Variants in VPS13C observed in about 807,000 individuals in gnomAD.
VPS13C encodes vacuolar protein sorting 13 homolog C, also known as intermembrane lipid transfer protein VPS13C.
A neutral mutation model predicts 456.8 loss-of-function variants in VPS13C; 358 were observed. That is an observed-to-expected ratio of 0.78 (90% CI 0.72 to 0.86). The LOEUF is 0.86. Among genes scored for constraint, VPS13C ranks in the 40% least tolerant of loss-of-function variants. The pLI is 0.00. For synonymous variants in VPS13C, 1,578 were observed against 1,486.7 expected (o/e 1.06, Z -1.41); for missense variants, 4,818 against 4,385.4 (o/e 1.10, Z -2.79).
Position 61,909,019 on chromosome 15 carries a change from G to A in VPS13C, c.8951C>T (p.Pro2984Leu), listed in dbSNP as rs2043224040. The change falls in exon 65 of 85, where the codon CCA becomes CTA. Residue 2984 changes from proline to leucine, a missense_variant. Pro to Leu is a moderately conservative substitution (Grantham distance 98, BLOSUM62 -3). This residue lies in a region of VPS13C where 4,552 missense variants were observed against 4,130.6 expected (regional missense o/e 1.10). Coordinates refer to ENST00000644861, the MANE Select transcript of VPS13C (RefSeq NM_020821.3). ...SAPALIMNHT[P>L]WDILTYKQSG... ...CTGTTTGTATGTGAGGATGTCCCATGGTGTATGGTTCATTATCAAGGCAGG... is the reference window on the plus strand; with the variant it reads ...CTGTTTGTATGTGAGGATGTCCCATAGTGTATGGTTCATTATCAAGGCAGG... 4 of 1,613,608 alleles carry A rather than the reference G, an allele frequency of 2.5e-6. No individual in the cohort carries two copies. In the East Asian group the frequency reaches 8.9e-5, roughly 36 times the overall value.
chr15:61,921,941 C>T lies in VPS13C; in HGVS notation c.7062+6G>A. 6.2e-7 allele frequency: 1 copy of T among 1,611,362 alleles called. No homozygotes were observed. Among genetic ancestry groups the T allele is most frequent in the Non-Finnish European group, 8.5e-7 (1 of 1,177,902 alleles). The stretch of plus-strand genomic sequence containing the variant: ...TCTATCCAAAGATATTTTAAGATTT[C>T]CTTACATCAAGCCTTAAATTCCATT... On this transcript the variant is annotated splice_donor_region_variant and intron_variant, in intron 55 of 84. Transcript: ENST00000644861.
intron 50 of VPS13C, 63 bp downstream of exon 50, chr15:61,931,027 T>C: frequency 6.3e-7 from 1 of 1,584,004 alleles, no homozygotes; most frequent in Non-Finnish European, 8.6e-7. Flanking sequence ...TAGCAATGCC[T>C]GGCAGCCATG....
intron 9 of VPS13C, among the ~76,000 whole-genome samples, chr15:62,016,789 T>C (rs1358291024): frequency 1.3e-5 from 2 of 152,152 alleles, no homozygotes; most frequent in African/African-American, 4.8e-5. Context: ...ATATACCCAG[T>C]AATAGGATGG....
At chr15:61,916,431 T>C (rs1308956540) in intron 60 of VPS13C, among the ~76,000 whole-genome samples, 1 of 152,136 alleles carries the variant, frequency 6.6e-6, no homozygotes, top group Non-Finnish European at 1.5e-5. Context: ...AATAAGAAAA[T>C]TATTCTTATT....
chr15:61,945,892 T>C lies in VPS13C; in HGVS notation c.4981-10A>G. 6.3e-7 allele frequency: 1 copy of C among 1,591,078 alleles called. No homozygotes were observed. The highest frequency in any genetic ancestry group is 1.4e-5 in the African/African-American group (1 of 73,644). On this transcript the variant is annotated splice_polypyrimidine_tract_variant and intron_variant, in intron 44 of 84. Coordinates refer to ENST00000644861, the MANE Select transcript of VPS13C (RefSeq NM_020821.3). Reference sequence around the variant, plus strand: ...CCAAAATAGAGACAGCCTAAAAGTATTAGATTAACTGGTTATTATATCAAA... The same window carrying C: ...CCAAAATAGAGACAGCCTAAAAGTACTAGATTAACTGGTTATTATATCAAA...
At chr15:61,985,290 C>T (rs1245105571) in intron 18 of VPS13C, among the ~76,000 whole-genome samples, 2 of 152,132 alleles carry the variant, frequency 1.3e-5, no homozygotes, top group Non-Finnish European at 2.9e-5. Flanking sequence ...CAGAGACTTG[C>T]TCTATTGCCA....
intron 44 of VPS13C, among the ~76,000 whole-genome samples, 163 bp from the exon 45 acceptor site, chr15:61,946,045 C>T (rs1371723306): frequency 5.3e-5 from 8 of 152,210 alleles, no homozygotes; most frequent in Admixed American, 5.2e-4. Flanking sequence ...ACAATAACTT[C>T]TTCCTATTTC....
chr15:62,060,050 A>G (rs2048945409), intron 1 of VPS13C, among the ~76,000 whole-genome samples: 1 of 152,092 alleles, frequency 6.6e-6, no homozygotes, highest in African/African-American at 2.4e-5. Context: ...AAAGGTGGGA[A>G]CTTTGGCAGC....
At position 61,983,640 on chromosome 15, in the gene VPS13C, C is replaced by T. The variant is rs2140393533; in HGVS notation, c.1914+180G>A. On this transcript the variant is annotated intron_variant, in intron 20 of 84. Transcript: ENST00000644861. ...CCTTGGAGTAGGGAAAAATGTATTGCATATGAAAAAAATCAAAATTAGCTG... is the reference window on the plus strand; with the variant it reads ...CCTTGGAGTAGGGAAAAATGTATTGTATATGAAAAAAATCAAAATTAGCTG... 6 of 593,936 alleles carry T rather than the reference C, an allele frequency of 1.0e-5. No individual in the cohort carries two copies. In the South Asian group the frequency reaches 1.6e-4, roughly 16 times the overall value. The allele number at this position is 593,936 out of a possible 1,614,324, so 36.8% of individuals were successfully genotyped here.
chr15:61,962,683 C>T, intron 33 of VPS13C, 66 bp downstream of exon 33: 1 of 1,344,290 alleles, frequency 7.4e-7, no homozygotes, highest in Middle Eastern at 1.9e-4. Flanking sequence ...AAATAAAATA[C>T]ATTTTACAAT....
chr15:61,878,970 T>C (rs2140898616), intron 73 of VPS13C, among the ~76,000 whole-genome samples: 1 of 152,224 alleles, frequency 6.6e-6, no homozygotes, highest in Admixed American at 6.6e-5. Flanking sequence ...AGAGTTCTAA[T>C]TTTATGCAAT....
chr15:62,001,341 T>C (rs1379024799), intron 15 of VPS13C, among the ~76,000 whole-genome samples: 1 of 152,238 alleles, frequency 6.6e-6, no homozygotes, highest in Non-Finnish European at 1.5e-5. Flanking sequence ...TTTTCTAATA[T>C]TTCACACTGG....
rs1194964553 is a variant in VPS13C at position 61,961,842 on chromosome 15, C to T, written c.3655G>A (p.Ala1219Thr). 1 of 1,613,894 alleles carries T rather than the reference C, an allele frequency of 6.2e-7. No individual in the cohort carries two copies. Among genetic ancestry groups the T allele is most frequent in the South Asian group, 1.1e-5 (1 of 91,054 alleles). ...GTGGCAGCCCTTTCTGCAGCCTGGG[C>T]AGTGGCAGCACTCAGAGACTCTTTG... ...TAKESLSAAT[A>T]QAAERAATSV... The change falls in exon 35 of 85, where the codon GCC becomes ACC. Residue 1219 changes from alanine to threonine, a missense_variant. Physicochemically the swap from Ala to Thr is moderately conservative, Grantham distance 58 (BLOSUM62 0). Coordinates refer to ENST00000644861, the MANE Select transcript of VPS13C (RefSeq NM_020821.3).
chr15:61,922,923 G>GT (rs1321738892), intron 53 of VPS13C, among the ~76,000 whole-genome samples, 161 bp from the exon 54 acceptor site: 2 of 151,702 alleles, frequency 1.3e-5, no homozygotes. Context: ...GAATAAATTC[G>GT]TAACCAAGAA....
intron 66 of VPS13C, among the ~76,000 whole-genome samples, chr15:61,903,815 G>A (rs576525235): frequency 1.0e-3 from 154 of 152,176 alleles, no homozygotes; most frequent in African/African-American, 3.6e-3. Flanking sequence ...AGAGAACCCG[G>A]AAATAAATCC....
At chr15:61,969,027 A>C (rs905551917) in intron 28 of VPS13C, among the ~76,000 whole-genome samples, 7 of 152,108 alleles carry the variant, frequency 4.6e-5, no homozygotes, top group African/African-American at 1.7e-4. Context: ...CAGGGTTTTA[A>C]TCATGGTTCA....
intron 41 of VPS13C, among the ~76,000 whole-genome samples, chr15:61,950,110 T>C (rs2044735631): frequency 6.6e-6 from 1 of 152,146 alleles, no homozygotes; most frequent in Admixed American, 6.5e-5. Flanking sequence ...CCTTTAAGTG[T>C]ATTATTCACA....
intron 66 of VPS13C, among the ~76,000 whole-genome samples, chr15:61,896,382 C>A (rs1329403369): frequency 5.9e-5 from 9 of 152,278 alleles, no homozygotes; most frequent in Admixed American, 5.9e-4. Flanking sequence ...GGGCACAGGT[C>A]AGTGGGTGCA....
chr15:61,863,634 T>C (rs1260313775), intron 81 of VPS13C, 106 bp from the exon 82 acceptor site: 1 of 662,402 alleles, frequency 1.5e-6, no homozygotes, highest in East Asian at 3.1e-5. Context: ...AAAAATTAAT[T>C]AGAAATAAAA....
Sources: gnomAD v4.1 joint callset for allele counts (sites outside exome capture counted in the v4.1 genomes callset) on GRCh38, gnomAD v4.1.1 for gene constraint, gnomAD v4.1.1 regional missense constraint, MANE v1.5 for transcripts, NCBI Gene and HGNC (gene_info 2026-07-23, HGNC 2026-07-21) for gene names.